TP73: variants seen among roughly 807,000 people sequenced by gnomAD.
TP73 encodes the protein p53-like transcription factor.
Under a neutral mutation model 62.5 loss-of-function variants are expected in TP73, and 25 were observed. The ratio of observed to expected loss-of-function variants is 0.40; its 90% CI spans 0.29 to 0.56. The LOEUF (loss-of-function observed/expected upper bound fraction) is 0.56. Among genes scored for constraint, TP73 ranks in the 20% least tolerant of loss-of-function variants. TP73 has a pLI of 0.46. For missense variants in TP73, 754 were observed against 913.3 expected, an observed-to-expected ratio of 0.83 and a Z score of 2.25; for synonymous variants, 423 against 377.5, an observed-to-expected ratio of 1.12 and a Z score of -1.40.
chr1:3,668,515 C>CGT (rs70940305), intron 1 of TP73: 9,134 of 148,752 alleles, frequency 0.061, 340 homozygotes, highest in Non-Finnish European at 0.079. Flanking sequence ...ACTTGCTGCA[C>CGT]GTGTGTGTGT....
chr1:3,687,623 A>G (rs1365911041), intron 3 of TP73, among the ~76,000 whole-genome samples: 1 of 152,102 alleles, frequency 6.6e-6, no homozygotes, highest in Non-Finnish European at 1.5e-5. Context: ...AGGAGGGAGG[A>G]CACAGGAGGG....
intron 1 of TP73, among the ~76,000 whole-genome samples, chr1:3,679,601 GTCTC>G (rs770116961): frequency 1.4e-5 from 2 of 147,746 alleles, no homozygotes; most frequent in East Asian, 2.1e-4. Context: ...CTTTGTCCTT[GTCTC>G]TCTGTTTTGT....
chr1:3,705,716 C>T (rs78002504), intron 3 of TP73, among the ~76,000 whole-genome samples: 6 of 152,364 alleles, frequency 3.9e-5, no homozygotes, highest in East Asian at 1.9e-4. Flanking sequence ...TCCGGCATCC[C>T]GGGCTGAGCT....
At position 3,721,922 on chromosome 1, in the gene TP73, G is replaced by A. The variant is rs1365269856; in HGVS notation, c.430-99G>A. 17 of 1,282,072 alleles carry A rather than the reference G, an allele frequency of 1.3e-5. No individual in the cohort carries two copies. The African/African-American group carries it at 2.0e-4, about 15-fold the overall frequency. 79.4% of individuals were successfully genotyped at this position (1,282,072 alleles called of 1,614,324 possible). On this transcript the variant is annotated intron_variant, in intron 4 of 13. Coordinates refer to ENST00000378295, the MANE Select transcript of TP73 (RefSeq NM_005427.4). Reference sequence around the variant, plus strand: ...AGTCTTCATCTGGGGGTTGTGGAAGGGGCACCCATGGGGAGGACGTGGCTC... The same window carrying A: ...AGTCTTCATCTGGGGGTTGTGGAAGAGGCACCCATGGGGAGGACGTGGCTC...
rs1038114759 is a variant in TP73, at chr1:3,666,200, G to A, written c.-34+13559G>A. ...ACTCTGCAGCCTAGGCTGGTGTGCA[G>A]TGGTGCAGTCACAGCTGACCACAGC... is the stretch of plus-strand genomic sequence containing the variant. On this transcript the variant is annotated intron_variant, in intron 1 of 13. Coordinates refer to ENST00000378295, the MANE Select transcript of TP73 (RefSeq NM_005427.4). The surrounding 1 kb of genome is among the most constrained non-coding windows in gnomAD (Gnocchi z 6.4). Among the ~76,000 whole-genome samples the A allele has an allele frequency of 6.7e-6, 1 of 150,310 alleles. No individual in the cohort carries two copies. Among genetic ancestry groups the A allele is most frequent in the Non-Finnish European group, 1.5e-5 (1 of 67,772 alleles).
chr1:3,695,861 C>T (rs1453146735), intron 3 of TP73, among the ~76,000 whole-genome samples: 3 of 152,244 alleles, frequency 2.0e-5, no homozygotes, highest in Admixed American at 2.0e-4. Flanking sequence ...ATGGGGCAGC[C>T]CCGCCGGTCA....
intron 3 of TP73, among the ~76,000 whole-genome samples, chr1:3,705,835 G>A (rs1247502737): frequency 7.9e-5 from 12 of 152,254 alleles, no homozygotes; most frequent in Non-Finnish European, 1.5e-4. Context: ...GAGGGGCCGG[G>A]GGATGCGGCC....
At chr1:3,727,090 C>T in intron 6 of TP73, 25 bp from the exon 7 acceptor site, 1 of 1,601,756 alleles carries the variant, frequency 6.2e-7, no homozygotes, top group Non-Finnish European at 8.5e-7. Context: ...GATGCTAGCC[C>T]CTCTCCCTGC....
chr1:3,701,053 G>A lies in TP73; in HGVS notation c.187-6496G>A, dbSNP rs1049316658. ...GGCTTGGGGCTGTGGCCGACATGGC[G>A]GGCAGTGGCACACCGTGGCCACTTC... On this transcript the variant is annotated intron_variant, in intron 3 of 13. Transcript: ENST00000378295. The surrounding 1 kb of genome is among the most constrained non-coding windows in gnomAD (Gnocchi z 4.7). 4.6e-5 allele frequency among the ~76,000 whole-genome samples: 7 copies of A among 152,186 alleles called. No individual in the cohort carries two copies. The East Asian group carries it at 5.8e-4, about 13-fold the overall frequency.
At chr1:3,729,300 G>C (rs2124531230) in intron 9 of TP73, 27 bp from the exon 10 acceptor site, 1 of 1,612,664 alleles carries the variant, frequency 6.2e-7, no homozygotes, top group Non-Finnish European at 8.5e-7. Context: ...GGGGCACGTG[G>C]GCAGAGATCT....
chr1:3,730,224 AC>A (rs1642025442), intron 11 of TP73, 76 bp downstream of exon 11: 5 of 1,374,714 alleles, frequency 3.6e-6, no homozygotes, highest in African/African-American at 1.5e-5. Flanking sequence ...AGGACACACC[AC>A]CCAGCTCGGG....
At chr1:3,726,441 G>A (rs1269563343) in intron 6 of TP73, among the ~76,000 whole-genome samples, 1 of 123,238 alleles carries the variant, frequency 8.1e-6, no homozygotes, top group Non-Finnish European at 1.7e-5. Context: ...GGGTGGACGT[G>A]TGGGTGGGTG....
rs954895158 is a variant in TP73 at position 3,696,788 on chromosome 1, G to A, written c.187-10761G>A. Among the ~76,000 whole-genome samples the A allele has an allele frequency of 1.3e-5, 2 of 152,122 alleles. No individual in the cohort carries two copies. The highest frequency in any genetic ancestry group is 2.1e-4 in the South Asian group (1 of 4,828). On this transcript the variant is annotated intron_variant, in intron 3 of 13. Transcript: ENST00000378295. This position sits in a 1 kb window ranked among gnomAD's most constrained non-coding sequence, Gnocchi z 4.1. ...CGAGCAGCGGTGGGGCTCAAGCCAT[G>A]TGGGGCCAGGGGAGGGACCAGTTGT... is the stretch of plus-strand genomic sequence containing the variant.
intron 4 of TP73, 64 bp from the exon 5 acceptor site, chr1:3,721,957 G>T: frequency 6.7e-7 from 1 of 1,502,596 alleles, no homozygotes; most frequent in Non-Finnish European, 8.9e-7. Flanking sequence ...CCCAATGGGG[G>T]GTGGCCTGGA....
At chr1:3,690,544 G>A (rs1326453920) in intron 3 of TP73, 4 of 968,490 alleles carry the variant, frequency 4.1e-6, no homozygotes, top group Admixed American at 9.6e-5. Context: ...GGCGCTGACC[G>A]GCGTCCCCGC....
At chr1:3,686,620 C>T (rs575894095) in intron 3 of TP73, among the ~76,000 whole-genome samples, 2 of 152,122 alleles carry the variant, frequency 1.3e-5, no homozygotes, top group African/African-American at 2.4e-5. Flanking sequence ...TCAGTGGGCT[C>T]TAGAGGAGTC....
Position 3,707,570 on chromosome 1 carries a change from A to G in TP73, c.208A>G (p.Ser70Gly), listed in dbSNP as rs1181830801. The change falls in exon 4 of 14, where the codon AGC becomes GGC. Residue 70 changes from serine (S) to glycine (G), a missense_variant. Physicochemically the swap from Ser to Gly is moderately conservative, Grantham distance 56. Transcript: ENST00000378295. Reference sequence around the variant, plus strand: ...CCAGGCCCAGTTCAATCTGCTGAGCAGCACCATGGACCAGATGAGCAGCCG... The same window carrying G: ...CCAGGCCCAGTTCAATCTGCTGAGCGGCACCATGGACCAGATGAGCAGCCG... The part of the protein sequence containing the change: ...SVMAQFNLLS[S>G]TMDQMSSRAA... The G allele has an allele frequency of 1.2e-6, 2 of 1,611,550 alleles. No homozygotes were observed. The highest frequency in any genetic ancestry group is 8.5e-7 in the Non-Finnish European group (1 of 1,179,118).
intron 7 of TP73, 139 bp downstream of exon 7, chr1:3,727,363 A>C (rs2296031): frequency 2.0e-6 from 2 of 1,001,086 alleles, no homozygotes; most frequent in Non-Finnish European, 2.9e-6. Flanking sequence ...GGAGGAAGGA[A>C]CCGCCCCCTG....
chr1:3,683,890 C>G (rs1645584397), intron 3 of TP73, among the ~76,000 whole-genome samples: 1 of 152,208 alleles, frequency 6.6e-6, no homozygotes, highest in Non-Finnish European at 1.5e-5. Context: ...GGTGCTGTTT[C>G]CAGGAGAAGA....
Sources: gnomAD v4.1 joint callset for allele counts (sites outside exome capture counted in the v4.1 genomes callset) on GRCh38, gnomAD v4.1.1 for gene constraint, Gnocchi (gnomAD v3.1) non-coding constraint, MANE v1.5 for transcripts, NCBI Gene and HGNC (gene_info 2026-07-23, HGNC 2026-07-21) for gene names.